The following LRP1B variants were observed in gnomAD, a reference collection of about 807,000 sequenced individuals.
LRP1B encodes low-density lipoprotein receptor-related protein 1B.
LRP1B carries 217 observed loss-of-function variants against 556.6 expected under a neutral mutation model. That is an observed-to-expected ratio of 0.39 (90% CI 0.35 to 0.44). The LOEUF is 0.44. LRP1B is among the 20% of genes least tolerant of loss of function. LRP1B has a pLI of 1.00. For missense variants in LRP1B, 5,053 were observed against 5,620.8 expected, an observed-to-expected ratio of 0.90 and a Z score of 3.23; for synonymous variants, 2,047 against 1,865.8, an observed-to-expected ratio of 1.10 and a Z score of -2.50.
intron 41 of LRP1B, among the ~76,000 whole-genome samples, chr2:140,662,878 G>A (rs947540687): frequency 2.6e-5 from 4 of 152,028 alleles, no homozygotes; most frequent in Non-Finnish European, 4.4e-5. Context: ...TTAGTGAGGC[G>A]CCTGCAAATG....
intron 3 of LRP1B, among the ~76,000 whole-genome samples, chr2:141,276,654 CTTTCT>C (rs1350943061): frequency 2.2e-4 from 26 of 120,346 alleles, no homozygotes; most frequent in South Asian, 2.9e-4. Context: ...TTCTTTCTTT[CTTTCT>C]TTTTTTTTTT....
chr2:141,915,011 T>C (rs1431218597), intron 1 of LRP1B, among the ~76,000 whole-genome samples: 1 of 152,112 alleles, frequency 6.6e-6, no homozygotes, highest in Non-Finnish European at 1.5e-5. Context: ...CTAAAATTCA[T>C]ATGGGACAAA....
intron 36 of LRP1B, among the ~76,000 whole-genome samples, chr2:140,716,333 A>G (rs1687208560): frequency 6.6e-6 from 1 of 152,120 alleles, no homozygotes; most frequent in Non-Finnish European, 1.5e-5. Flanking sequence ...ATATATTTAC[A>G]TGGTAAAACG....
At chr2:141,380,515 T>A (rs1689598456) in intron 3 of LRP1B, among the ~76,000 whole-genome samples, 2 of 152,202 alleles carry the variant, frequency 1.3e-5, no homozygotes, top group South Asian at 4.1e-4. Flanking sequence ...CCCCCAACTT[T>A]TCTGACTGTT....
rs1573764750 is a variant in LRP1B at position 140,822,066 on chromosome 2, T to G, written c.5210-8260A>C. On this transcript the variant is annotated intron_variant, in intron 31 of 90. Transcript: ENST00000389484. The stretch of plus-strand genomic sequence containing the variant: ...AAATAAAAATATATAGTACACAAGA[T>G]TCCTAAGAATATCCATGAAGGGTAA... Among the ~76,000 whole-genome samples the G allele has an allele frequency of 3.3e-5, 5 of 151,812 alleles. No individual in the cohort carries two copies. The South Asian group carries it at 1.0e-3, about 32-fold the overall frequency.
At chr2:142,017,845 C>A (rs1169257269) in intron 1 of LRP1B, among the ~76,000 whole-genome samples, 1 of 152,152 alleles carries the variant, frequency 6.6e-6, no homozygotes, top group African/African-American at 2.4e-5. Context: ...TCTCCTACTG[C>A]ACTCCAGCCT....
At chr2:142,075,529 C>G (rs1233893627) in intron 1 of LRP1B, among the ~76,000 whole-genome samples, 1 of 152,110 alleles carries the variant, frequency 6.6e-6, no homozygotes, top group Non-Finnish European at 1.5e-5. Context: ...ACCCACACCA[C>G]TCTTTTAAAG....
chr2:141,848,154 A>G (rs1697718145), intron 1 of LRP1B, among the ~76,000 whole-genome samples: 1 of 151,594 alleles, frequency 6.6e-6, no homozygotes, highest in Admixed American at 6.6e-5. Context: ...ACACATAAAT[A>G]CCAATTGTTT....
At chr2:140,454,487 G>A (rs1687016569) in intron 62 of LRP1B, among the ~76,000 whole-genome samples, 1 of 152,046 alleles carries the variant, frequency 6.6e-6, no homozygotes, top group Non-Finnish European at 1.5e-5. Context: ...CTAATGAAGT[G>A]ATACCTCCTC....
chr2:141,420,617 A>C (rs1680100568), intron 3 of LRP1B, among the ~76,000 whole-genome samples: 2 of 152,200 alleles, frequency 1.3e-5, no homozygotes, highest in African/African-American at 4.8e-5. Context: ...TCAGTGTACC[A>C]AGGCAGGTAA....
At chr2:140,475,553 T>C (rs143002401) in intron 59 of LRP1B, among the ~76,000 whole-genome samples, 6,081 of 150,818 alleles carry the variant, frequency 0.04, 158 homozygotes, top group Non-Finnish European at 0.047. Context: ...AAACATATGT[T>C]TATTTTAGAA....
At position 140,692,592 on chromosome 2, in the gene LRP1B, T is replaced by G. The variant is rs1025320031; in HGVS notation, c.6799+7658A>C. On this transcript the variant is annotated intron_variant, in intron 41 of 90. Coordinates refer to ENST00000389484, the MANE Select transcript of LRP1B (RefSeq NM_018557.3). The stretch of plus-strand genomic sequence containing the variant: ...AAATTTTCTTAATAGTTGGAGAGAT[T>G]GACTATACTTTAGTATGATTATATT... 7.9e-5 allele frequency among the ~76,000 whole-genome samples: 12 copies of G among 152,256 alleles called. No individual in the cohort carries two copies. The South Asian group carries it at 1.4e-3, about 18-fold the overall frequency.
At chr2:141,550,867 G>T (rs1365881603) in intron 2 of LRP1B, among the ~76,000 whole-genome samples, 1 of 152,042 alleles carries the variant, frequency 6.6e-6, no homozygotes, top group Non-Finnish European at 1.5e-5. Flanking sequence ...TGCTTTGAAA[G>T]GATGATGTGT....
chr2:142,017,128 A>G (rs900854457), intron 1 of LRP1B, among the ~76,000 whole-genome samples: 15 of 151,988 alleles, frequency 9.9e-5, no homozygotes, highest in African/African-American at 3.1e-4. Flanking sequence ...TACTTGATAG[A>G]TATTTAAAGA....
intron 41 of LRP1B, among the ~76,000 whole-genome samples, chr2:140,696,214 C>G (rs1686424689): frequency 6.6e-6 from 1 of 151,960 alleles, no homozygotes; most frequent in Admixed American, 6.6e-5. Flanking sequence ...TTATATGTGC[C>G]AATAACTGGG....
intron 2 of LRP1B, among the ~76,000 whole-genome samples, chr2:141,554,714 T>C (rs920554041): frequency 2.6e-5 from 4 of 152,032 alleles, no homozygotes; most frequent in African/African-American, 4.8e-5. Context: ...TTCTCACATA[T>C]ACCTACCTAG....
chr2:140,557,154 A>T (rs1680764260), intron 43 of LRP1B, among the ~76,000 whole-genome samples: 3 of 152,108 alleles, frequency 2.0e-5, no homozygotes, highest in Admixed American at 6.6e-5. Flanking sequence ...CATTTTTAAC[A>T]ATCACAATAA....
intron 2 of LRP1B, among the ~76,000 whole-genome samples, chr2:141,774,803 G>C (rs190248047): frequency 3.4e-4 from 52 of 152,220 alleles, no homozygotes; most frequent in African/African-American, 1.2e-3. Flanking sequence ...AAAACCAGAA[G>C]AATCTTCTCA....
At chr2:140,277,413 C>T (rs952692475) in intron 84 of LRP1B, among the ~76,000 whole-genome samples, 1 of 151,746 alleles carries the variant, frequency 6.6e-6, no homozygotes, top group African/African-American at 2.4e-5. Context: ...TGGTGAAACC[C>T]CCTCTCTACT....
Sources: allele counts gnomAD v4.1 joint callset (sites outside exome capture counted in the v4.1 genomes callset), GRCh38; gene constraint gnomAD v4.1.1; transcripts MANE v1.5; gene names NCBI Gene and HGNC (gene_info 2026-07-23, HGNC 2026-07-21).